Variants in ZNF564 observed in about 807,000 individuals in gnomAD.
ZNF564 encodes zinc finger protein 564.
A neutral mutation model predicts 10.5 loss-of-function variants in ZNF564; 5 were observed. The ratio of observed to expected loss-of-function variants is 0.48; its 90% confidence interval spans 0.25 to 1.00. ZNF564 has a LOEUF of 1.00. ZNF564 is among the 50% of genes least tolerant of loss of function. The probability of loss-of-function intolerance (pLI) is 0.16; values close to 1 mark genes in which losing one functional copy is unlikely to be tolerated. For synonymous variants in ZNF564, 242 were observed against 218.1 expected, an observed-to-expected ratio of 1.11 and a Z score of -0.97; for missense variants, 603 against 669.7, an observed-to-expected ratio of 0.90 and a Z score of 1.10.
At chr19:12,540,191 T>C (rs1361044519) in intron 1 of ZNF564, among the ~76,000 whole-genome samples, 1 of 152,162 alleles carries the variant, frequency 6.6e-6, no homozygotes, top group Non-Finnish European at 1.5e-5. Flanking sequence ...AATGGATGAT[T>C]TGGCTTCTAG....
At chr19:12,540,819 A>T (rs1422906001) in intron 1 of ZNF564, among the ~76,000 whole-genome samples, 2 of 151,614 alleles carry the variant, frequency 1.3e-5, no homozygotes, top group African/African-American at 2.4e-5. Flanking sequence ...GCACCACTGC[A>T]CTCCAGCCTG....
intron 1 of ZNF564, chr19:12,548,291 C>T (rs2022190628): frequency 6.2e-6 from 3 of 485,872 alleles, no homozygotes; most frequent in Non-Finnish European, 8.0e-6. Flanking sequence ...GATCCCGGCT[C>T]ACTGCAACCT....
intron 1 of ZNF564, among the ~76,000 whole-genome samples, chr19:12,538,153 C>T (rs897395296): frequency 4.6e-5 from 7 of 151,918 alleles, no homozygotes; most frequent in African/African-American, 1.7e-4. Context: ...TACGAATATA[C>T]ATTTACACTG....
Position 12,526,752 on chromosome 19 carries a change from C to G in ZNF564, c.1356G>C (p.Gln452His). 1 of 1,614,104 alleles carries G rather than the reference C, an allele frequency of 6.2e-7. No individual in the cohort carries two copies. Among genetic ancestry groups the G allele is most frequent in the Non-Finnish European group, 8.5e-7 (1 of 1,180,026 alleles). Residue 452 changes from glutamine (Q) to histidine (H), a missense_variant, in exon 4 of 4, where the codon CAG (glutamine) becomes CAC (histidine). Transcript: ENST00000339282. ...GACAGTCAAAGGCTTTACCACATAC[C>G]TGACATTTATAAGGTCCATCTCCAG... ...LHTGDGPYKC[Q>H]VCGKAFDCPS...
At chr19:12,551,242 G>A in intron 1 of ZNF564, 88 bp downstream of exon 1, 1 of 1,454,842 alleles carries the variant, frequency 6.9e-7, no homozygotes, top group Non-Finnish European at 9.4e-7. Context: ...AGTCGCTGCA[G>A]GGAGGCCAGG....
intron 1 of ZNF564, among the ~76,000 whole-genome samples, chr19:12,537,143 T>C (rs2021931826): frequency 1.3e-5 from 2 of 152,188 alleles, no homozygotes; most frequent in South Asian, 4.1e-4. Flanking sequence ...ATCCCCACTT[T>C]GTATTTATGG....
chr19:12,540,011 C>G (rs1035812448), intron 1 of ZNF564, among the ~76,000 whole-genome samples: 1 of 151,554 alleles, frequency 6.6e-6, no homozygotes, highest in African/African-American at 2.4e-5. Flanking sequence ...AGAAACCTGA[C>G]ATTCCATAGT....
chr19:12,539,171 T>C (rs1037620401), intron 1 of ZNF564, among the ~76,000 whole-genome samples: 2 of 147,860 alleles, frequency 1.4e-5, no homozygotes, highest in Admixed American at 1.4e-4. Flanking sequence ...GAGGCAGACA[T>C]TGCAGTAAGC....
At chr19:12,542,656 GA>G (rs1430125412) in intron 1 of ZNF564, among the ~76,000 whole-genome samples, 7 of 121,378 alleles carry the variant, frequency 5.8e-5, no homozygotes, top group Admixed American at 1.7e-4. Flanking sequence ...AAGGAAGAAA[GA>G]AAAGAAAAAA....
chr19:12,528,696 C>G lies in ZNF564; in HGVS notation c.4G>C (p.Asp2His). ...GCCACATCCTCAGAGGCCACTGAGT[C>G]CTAAAACATCCCAAATATGCAATGC... M[D>H]SVASEDVAVN... Residue 2 changes from aspartate to histidine, a missense_variant and splice_region_variant, in exon 2 of 4, where the codon GAC becomes CAC. Asp to His is a moderately conservative substitution (Grantham distance 81, BLOSUM62 -1). Coordinates refer to ENST00000339282, the MANE Select transcript of ZNF564 (RefSeq NM_144976.4). 1 of 1,606,990 alleles carries G rather than the reference C, an allele frequency of 6.2e-7. No homozygotes were observed. The highest frequency in any genetic ancestry group is 1.1e-5 in the South Asian group (1 of 90,076).
Position 12,527,593 on chromosome 19 carries a change from G to A in ZNF564, c.515C>T (p.Pro172Leu), listed in dbSNP as rs377546676. The A allele has an allele frequency of 3.2e-5, 52 of 1,613,314 alleles. No homozygotes were observed. The highest frequency in any genetic ancestry group is 3.3e-4 in the Middle Eastern group (2 of 6,080). The change falls in exon 4 of 4, where the codon CCG becomes CTG. Residue 172 changes from proline to leucine, a missense_variant. By Grantham distance (98) the Pro-to-Leu change is moderately conservative. Transcript: ENST00000339282. ...THTGEKPYAC[P>L]ECGKAFISLP... is the part of the protein sequence containing the mutation. ...AGAAATGAAGGCTTTCCCACATTCC[G>A]GACATGCATAGGGTTTCTCACCAGT...
intron 1 of ZNF564, 112 bp downstream of exon 1, chr19:12,551,218 G>A: frequency 7.8e-7 from 1 of 1,289,248 alleles, no homozygotes; most frequent in South Asian, 1.3e-5. Flanking sequence ...GGGAACTCGG[G>A]TCCCAGACCC....
chr19:12,527,910 A>G lies in ZNF564; in HGVS notation c.198T>C (p.His66=), dbSNP rs2021723189. ...TACTTTCACTGAGTCCCTCTTCCAT[A>G]TGATTTCTGGAAAAAATAGAAAGCA... ...YKNQGRILRN[H]MEEGLSESKE... The change falls in exon 4 of 4, where the codon CAT becomes CAC. Residue 66 remains histidine, a synonymous_variant. Transcript: ENST00000339282. The G allele has an allele frequency of 4.4e-6, 7 of 1,578,574 alleles. No homozygotes were observed. The highest frequency in any genetic ancestry group is 3.4e-6 in the Non-Finnish European group (4 of 1,164,680).
At chr19:12,539,009 C>T (rs1409985273) in intron 1 of ZNF564, among the ~76,000 whole-genome samples, 3 of 149,958 alleles carry the variant, frequency 2.0e-5, no homozygotes. Flanking sequence ...AGGTGGATCA[C>T]CTGAGGTCAG....
intron 1 of ZNF564, among the ~76,000 whole-genome samples, chr19:12,543,030 G>C (rs543866629): frequency 2.0e-4 from 30 of 149,092 alleles, no homozygotes; most frequent in African/African-American, 7.4e-4. Context: ...GCCGGGCGCG[G>C]TGGCTCACGC....
At chr19:12,548,604 T>C in intron 1 of ZNF564, 1 of 534,764 alleles carries the variant, frequency 1.9e-6, no homozygotes, top group Non-Finnish European at 3.3e-6. Context: ...CCTGCCTTGG[T>C]GCTGGGATAA....
rs767323716 is a variant in ZNF564, at chr19:12,527,855, T to C, written c.253A>G (p.Ser85Gly). 5.6e-6 allele frequency: 9 copies of C among 1,613,810 alleles called. No homozygotes were observed. The South Asian group carries it at 9.9e-5, about 18-fold the overall frequency. The change falls in exon 4 of 4, where the codon AGT becomes GGT. Residue 85 changes from serine to glycine, a missense_variant. Coordinates refer to ENST00000339282, the MANE Select transcript of ZNF564 (RefSeq NM_144976.4). ...KEYDQCGEAF[S>G]QILNLNLNKK... ...TTCAGATTAAGATTGAGAATCTGAC[T>C]GAAGGCTTCTCCACATTGATCATAT...
intron 1 of ZNF564, among the ~76,000 whole-genome samples, chr19:12,536,008 T>A: frequency 1.0e-5 from 1 of 97,700 alleles, no homozygotes; most frequent in Non-Finnish European, 2.3e-5. Flanking sequence ...CGTGACTCCG[T>A]CTCAAAAAAA....
chr19:12,528,763 T>C, intron 1 of ZNF564, 67 bp from the exon 2 acceptor site: 1 of 1,517,722 alleles, frequency 6.6e-7, no homozygotes, highest in Non-Finnish European at 8.9e-7. Context: ...GTAAACCCAA[T>C]TCATAAAAGT....
Sources: gnomAD v4.1 joint callset for allele counts (sites outside exome capture counted in the v4.1 genomes callset) on GRCh38, gnomAD v4.1.1 for gene constraint, MANE v1.5 for transcripts, NCBI Gene and HGNC (gene_info 2026-07-23, HGNC 2026-07-21) for gene names.